The following TLN2 variants were observed in gnomAD, a reference collection of about 807,000 sequenced individuals.
The protein encoded by TLN2 is talin 2.
In TLN2, 118 loss-of-function variants were observed where a neutral mutation model predicts 294.7. That is an observed-to-expected ratio of 0.40 (90% CI 0.34 to 0.47). The LOEUF is 0.47. TLN2 is among the 20% of genes least tolerant of loss of function. The pLI, the probability that TLN2 is intolerant of heterozygous loss-of-function variation, is 0.84. For synonymous variants in TLN2, 1,431 were observed against 1,304.5 expected, an observed-to-expected ratio of 1.10 and a Z score of -2.09; for missense variants, 3,083 against 3,282.2, an observed-to-expected ratio of 0.94 and a Z score of 1.48.
chr15:62,696,265 T>A (rs550491971), intron 14 of TLN2, among the ~76,000 whole-genome samples: 8 of 152,318 alleles, frequency 5.3e-5, no homozygotes, highest in African/African-American at 1.9e-4. Flanking sequence ...ACCTCCACCT[T>A]CCTTCCGCCT....
At chr15:62,541,852 T>G (rs2041710346) in intron 1 of TLN2, among the ~76,000 whole-genome samples, 2 of 152,112 alleles carry the variant, frequency 1.3e-5, no homozygotes, top group South Asian at 4.2e-4. Flanking sequence ...GTTTTCATTT[T>G]GGATGGGCCC....
intron 1 of TLN2, among the ~76,000 whole-genome samples, chr15:62,395,248 T>C (rs1280710645): frequency 6.7e-6 from 1 of 149,158 alleles, no homozygotes; most frequent in Non-Finnish European, 1.5e-5. Context: ...GGTGGGGAGA[T>C]GAGAATGTGA....
intron 2 of TLN2, among the ~76,000 whole-genome samples, chr15:62,604,542 A>AG (rs1175517112): frequency 4.0e-5 from 6 of 149,966 alleles, no homozygotes; most frequent in Non-Finnish European, 8.9e-5. Context: ...AAAAAAAAAA[A>AG]AAAAGAAAAG....
chr15:62,550,116 G>A (rs904453213), intron 1 of TLN2, among the ~76,000 whole-genome samples: 7 of 152,120 alleles, frequency 4.6e-5, no homozygotes, highest in African/African-American at 1.7e-4. Context: ...CAGGAGTCTG[G>A]AGAGAGTGGT....
In TLN2 at chr15:62,833,485, T is replaced by C. The variant is rs745813916; in HGVS notation, c.7003-19T>C. 2.5e-6 allele frequency: 4 copies of C among 1,612,036 alleles called. No homozygotes were observed. In the African/African-American group the frequency reaches 5.3e-5, roughly 22 times the overall value. ...TGTGGATATGAATTGAATGTGATGC[T>C]GTTTTCTTTTGGTTATAGCAAGCGG... is the stretch of plus-strand genomic sequence containing the variant. On this transcript the variant is annotated intron_variant, in intron 54 of 58. Coordinates refer to ENST00000636159, the MANE Select transcript of TLN2 (RefSeq NM_015059.3).
chr15:62,621,628 T>G (rs1240157812), intron 3 of TLN2, among the ~76,000 whole-genome samples: 1 of 152,204 alleles, frequency 6.6e-6, no homozygotes, highest in Non-Finnish European at 1.5e-5. Flanking sequence ...GCAGAGGTAC[T>G]TATATGTTTG....
At chr15:62,696,187 G>A (rs1006059872) in intron 14 of TLN2, among the ~76,000 whole-genome samples, 3 of 152,094 alleles carry the variant, frequency 2.0e-5, no homozygotes, top group Non-Finnish European at 4.4e-5. Flanking sequence ...CGTGGCTATC[G>A]AGCCTTGCTC....
intron 1 of TLN2, among the ~76,000 whole-genome samples, chr15:62,409,557 T>G (rs2033637585): frequency 1.3e-5 from 2 of 152,238 alleles, no homozygotes; most frequent in Admixed American, 1.3e-4. Flanking sequence ...GATAGCCTTT[T>G]AAAAAGTTAC....
chr15:62,405,616 C>A (rs572683844), intron 1 of TLN2, among the ~76,000 whole-genome samples: 16 of 152,274 alleles, frequency 1.1e-4, no homozygotes, highest in Non-Finnish European at 2.2e-4. Context: ...GAGGAAGTCA[C>A]CTCTCTGAGG....
Position 62,797,359 on chromosome 15 carries a change from A to T in TLN2, c.6191A>T (p.Lys2064Met). The T allele has an allele frequency of 6.2e-7, 1 of 1,612,708 alleles. No individual in the cohort carries two copies. The highest frequency in any genetic ancestry group is 8.5e-7 in the Non-Finnish European group (1 of 1,179,718). The change falls in exon 48 of 59, where the codon AAG (lysine) becomes ATG (methionine). Residue 2064 changes from lysine (K) to methionine (M), a missense_variant. Coordinates refer to ENST00000636159, the MANE Select transcript of TLN2 (RefSeq NM_015059.3). ...ATCACCCAGCTCGCAGAAGTGGTCA[A>T]GCTGGGGGCAGCCAGCCTGGGCTCC... The part of the protein sequence containing the change: ...ATITQLAEVV[K>M]LGAASLGSDD...
intron 2 of TLN2, among the ~76,000 whole-genome samples, chr15:62,596,847 G>T (rs1428814926): frequency 6.6e-6 from 1 of 152,134 alleles, no homozygotes; most frequent in African/African-American, 2.4e-5. Context: ...AAAAGCAACA[G>T]CATCTTGCCT....
intron 1 of TLN2, among the ~76,000 whole-genome samples, chr15:62,551,024 G>A (rs1259044364): frequency 6.6e-6 from 1 of 152,138 alleles, no homozygotes; most frequent in African/African-American, 2.4e-5. Context: ...AGTCCCATCT[G>A]GGGTTGATGG....
intron 20 of TLN2, among the ~76,000 whole-genome samples, chr15:62,707,712 G>T (rs2141118113): frequency 1.3e-5 from 2 of 152,206 alleles, no homozygotes; most frequent in Admixed American, 1.3e-4. Flanking sequence ...CATCTCCCCG[G>T]TAATCCTGCA....
intron 1 of TLN2, among the ~76,000 whole-genome samples, chr15:62,411,905 G>C (rs1349518514): frequency 2.0e-5 from 3 of 152,218 alleles, no homozygotes; most frequent in African/African-American, 4.8e-5. Flanking sequence ...TTAGAAGAGG[G>C]ATGTGGATGA....
At chr15:62,698,685 G>A (rs772620949) in intron 15 of TLN2, 69 bp from the exon 16 acceptor site, 81 of 1,349,764 alleles carry the variant, frequency 6.0e-5, no homozygotes, top group Non-Finnish European at 8.3e-5. Context: ...GTTTTGCTTT[G>A]TTTTGCATAA....
chr15:62,684,125 G>T (rs1330517901), intron 11 of TLN2: 2 of 152,200 alleles, frequency 1.3e-5, no homozygotes, highest in Admixed American at 1.3e-4. Context: ...AGCGTCCACT[G>T]TAAGTTGTTT....
chr15:62,748,243 C>T (rs192607785), intron 32 of TLN2, 108 bp from the exon 33 acceptor site: 27 of 832,436 alleles, frequency 3.2e-5, no homozygotes, highest in Admixed American at 6.9e-5. Context: ...CCTGGGGACC[C>T]GAGCTGAAAT....
intron 22 of TLN2, among the ~76,000 whole-genome samples, chr15:62,715,647 G>A (rs1003116905): frequency 6.6e-6 from 1 of 152,180 alleles, no homozygotes; most frequent in East Asian, 1.9e-4. Flanking sequence ...GACAAAGAAA[G>A]CGTGACTGGC....
rs554284800 is a variant in TLN2 at position 62,818,509 on chromosome 15, T to C, written c.6772-1007T>C. 1.1e-4 allele frequency among the ~76,000 whole-genome samples: 16 copies of C among 152,324 alleles called. No individual in the cohort carries two copies. In the East Asian group the frequency reaches 3.1e-3, roughly 29 times the overall value. On this transcript the variant is annotated intron_variant, in intron 52 of 58. Coordinates refer to ENST00000636159, the MANE Select transcript of TLN2 (RefSeq NM_015059.3). ...TGGATGAGTTTGAGAAGAAATCAGC[T>C]GGGGATGTCTTAAAGGTGTTTAGTA...
Sources: gnomAD v4.1 joint callset for allele counts (sites outside exome capture counted in the v4.1 genomes callset) on GRCh38, gnomAD v4.1.1 for gene constraint, MANE v1.5 for transcripts, NCBI Gene and HGNC (gene_info 2026-07-23, HGNC 2026-07-21) for gene names.